Variants in PALM2AKAP2 observed in about 807,000 individuals in gnomAD.
The protein encoded by PALM2AKAP2 is PALM2-AKAP2 fusion protein.
PALM2AKAP2 carries 37 observed loss-of-function variants against 71.5 expected under a neutral mutation model. That is an observed-to-expected ratio of 0.52 (90% CI 0.40 to 0.68). The LOEUF (loss-of-function observed/expected upper bound fraction) is 0.68, where lower values mean the gene tolerates loss of function less well. Among genes scored for constraint, PALM2AKAP2 ranks in the 30% least tolerant of loss-of-function variants. The probability of loss-of-function intolerance (pLI) is 0.00; values close to 1 mark genes in which losing one functional copy is unlikely to be tolerated. For missense variants in PALM2AKAP2, 1,224 were observed against 1,191.8 expected (o/e 1.03, Z -0.40); for synonymous variants, 468 against 478.8 (o/e 0.98, Z 0.29).
chr9:109,989,783 T>C (rs1832442358), intron 6 of PALM2AKAP2, among the ~76,000 whole-genome samples: 1 of 152,292 alleles, frequency 6.6e-6, no homozygotes, highest in Non-Finnish European at 1.5e-5. Context: ...TCCATTCTTG[T>C]CCCATCTAAG....
At chr9:109,811,138 AT>A (rs1457648133) in intron 1 of PALM2AKAP2, among the ~76,000 whole-genome samples, 1 of 152,212 alleles carries the variant, frequency 6.6e-6, no homozygotes, top group Middle Eastern at 3.2e-3. Flanking sequence ...GGGATCTTGA[AT>A]TTAAATAAGA....
intron 1 of PALM2AKAP2, among the ~76,000 whole-genome samples, chr9:110,067,297 A>G (rs1254904809): frequency 7.2e-5 from 11 of 152,236 alleles, no homozygotes; most frequent in Admixed American, 7.2e-4. Flanking sequence ...GATAATTAAG[A>G]AAACTTTGTA....
intron 1 of PALM2AKAP2, among the ~76,000 whole-genome samples, chr9:109,746,163 C>G (rs531852179): frequency 6.6e-6 from 1 of 152,194 alleles, no homozygotes; most frequent in Non-Finnish European, 1.5e-5. Context: ...ATGACAACCA[C>G]TTAGAGTGAC....
chr9:110,036,848 C>T (rs190172609), intron 7 of PALM2AKAP2, among the ~76,000 whole-genome samples: 47 of 152,254 alleles, frequency 3.1e-4, no homozygotes, highest in African/African-American at 1.1e-3. Flanking sequence ...TGCTTTTCCC[C>T]TTGATGTCTC....
intron 1 of PALM2AKAP2, among the ~76,000 whole-genome samples, chr9:109,788,966 A>T (rs757897975): frequency 3.9e-5 from 6 of 152,184 alleles, no homozygotes; most frequent in Non-Finnish European, 8.8e-5. Flanking sequence ...ACACTGGCTA[A>T]TCAAGAAGAG....
intron 1 of PALM2AKAP2, 24 bp from the exon 8 acceptor site, chr9:110,136,103 A>C: frequency 6.5e-7 from 1 of 1,537,040 alleles, no homozygotes; most frequent in Non-Finnish European, 8.7e-7. Context: ...TTTAACCCTG[A>C]CTTTTGTTTA....
intron 6 of PALM2AKAP2, among the ~76,000 whole-genome samples, chr9:109,971,607 G>A (rs1832070432): frequency 1.3e-5 from 2 of 152,048 alleles, no homozygotes; most frequent in South Asian, 4.1e-4. Flanking sequence ...TGTATTTTCA[G>A]TAGAGATAGG....
intron 1 of PALM2AKAP2, among the ~76,000 whole-genome samples, chr9:109,668,781 G>T (rs1827530185): frequency 6.6e-6 from 1 of 152,208 alleles, no homozygotes; most frequent in African/African-American, 2.4e-5. Flanking sequence ...GATGTTATTT[G>T]TCTGCTCTCT....
rs548276418 is a variant in PALM2AKAP2, at chr9:110,115,691, A to G, written c.157-20436A>G. On this transcript the variant is annotated intron_variant, in intron 1 of 3. Transcript: ENST00000374525. ...TTGTGCTTTTGAAGAAACTTGAGACAAGACTATTCATGAGTTCCCAGAGTG... is the reference window on the plus strand; with the variant it reads ...TTGTGCTTTTGAAGAAACTTGAGACGAGACTATTCATGAGTTCCCAGAGTG... 1.2e-4 allele frequency among the ~76,000 whole-genome samples: 19 copies of G among 152,334 alleles called. No homozygotes were observed. In the South Asian group the frequency reaches 3.9e-3, roughly 32 times the overall value.
intron 7 of PALM2AKAP2, among the ~76,000 whole-genome samples, chr9:110,041,452 T>C (rs1280420230): frequency 1.3e-5 from 2 of 152,070 alleles, no homozygotes; most frequent in Admixed American, 6.6e-5. Context: ...TGCTTGGGTT[T>C]TGGAATGTTT....
rs549103984 is a variant in PALM2AKAP2 at position 109,884,056 on chromosome 9, A to G, written c.257+3375A>G. Among the ~76,000 whole-genome samples the G allele has an allele frequency of 4.6e-5, 7 of 152,378 alleles. No individual in the cohort carries two copies. In the East Asian group the frequency reaches 1.2e-3, roughly 25 times the overall value. On this transcript the variant is annotated intron_variant, in intron 3 of 9. Coordinates refer to the PALM2AKAP2 transcript ENST00000302798. ...AGGAACACAGATCAGGGAAGGGTGA[A>G]GAATGGGGATGAATAATTCAGTTTT...
chr9:110,125,624 G>T, intron 1 of PALM2AKAP2: 1 of 980,924 alleles, frequency 1.0e-6, no homozygotes, highest in South Asian at 4.7e-5. Context: ...ACTTATCTTC[G>T]TGTCCTTTTC....
rs550577479 is a variant in PALM2AKAP2 at position 110,101,678 on chromosome 9, G to A, written c.157-34449G>A. On this transcript the variant is annotated intron_variant, in intron 1 of 3. Transcript: ENST00000374525. ...GGCAGCTGTTGCTGTCATTTCCCACGGCCTCTCTGGAGGGGAAACACAGCT... is the reference window on the plus strand; with the variant it reads ...GGCAGCTGTTGCTGTCATTTCCCACAGCCTCTCTGGAGGGGAAACACAGCT... Among the ~76,000 whole-genome samples the A allele has an allele frequency of 1.1e-4, 17 of 152,234 alleles. No individual in the cohort carries two copies. The South Asian group carries it at 2.1e-3, about 19-fold the overall frequency.
intron 1 of PALM2AKAP2, among the ~76,000 whole-genome samples, chr9:109,749,226 A>T (rs1828849297): frequency 6.6e-6 from 1 of 152,138 alleles, no homozygotes; most frequent in African/African-American, 2.4e-5. Flanking sequence ...ACAGATCATG[A>T]TGCCCTTCAG....
chr9:110,113,536 T>C (rs1362536982), intron 1 of PALM2AKAP2, among the ~76,000 whole-genome samples: 1 of 151,662 alleles, frequency 6.6e-6, no homozygotes, highest in Non-Finnish European at 1.5e-5. Context: ...GACTTTTTTT[T>C]TTTTTAGACA....
intron 1 of PALM2AKAP2, among the ~76,000 whole-genome samples, chr9:109,709,675 AT>A (rs991522281): frequency 1.5e-4 from 23 of 152,186 alleles, no homozygotes; most frequent in Admixed American, 1.2e-3. Flanking sequence ...GGTAGCATGA[AT>A]AGAAAGAATG....
chr9:109,703,412 A>G (rs1828094332), intron 1 of PALM2AKAP2, among the ~76,000 whole-genome samples: 2 of 152,186 alleles, frequency 1.3e-5, no homozygotes, highest in Admixed American at 1.3e-4. Flanking sequence ...CATTCAAAAT[A>G]TATTTATTGC....
chr9:109,984,032 A>G (rs1265012274), intron 6 of PALM2AKAP2, among the ~76,000 whole-genome samples: 1 of 152,210 alleles, frequency 6.6e-6, no homozygotes, highest in East Asian at 1.9e-4. Context: ...TTAGGAACAA[A>G]TAGTTCTGAT....
At chr9:110,057,381 GTTTTTTTGT>G (rs1833868815) in intron 1 of PALM2AKAP2, among the ~76,000 whole-genome samples, 8 of 78,014 alleles carry the variant, frequency 1.0e-4, no homozygotes, top group Admixed American at 4.5e-4. Context: ...TTTTTTTTTT[GTTTTTTTGT>G]TTTTTTTTTT....
Sources: gnomAD v4.1 joint callset for allele counts (sites outside exome capture counted in the v4.1 genomes callset) on GRCh38, gnomAD v4.1.1 for gene constraint, MANE v1.5 for transcripts, NCBI Gene and HGNC (gene_info 2026-07-23, HGNC 2026-07-21) for gene names.